TMEM272: variants seen among roughly 807,000 people sequenced by gnomAD.
TMEM272 encodes transmembrane protein 272.
A neutral mutation model predicts 3.7 loss-of-function variants in TMEM272; 8 were observed. The ratio of observed to expected loss-of-function variants is 2.17; its 90% CI spans 1.27 to 3.91. TMEM272 has a LOEUF of 3.91. Ranked by LOEUF, TMEM272 falls within the 30% of genes most tolerant of loss-of-function variation. The pLI is 0.00. For missense variants in TMEM272, 166 were observed against 91.5 expected (o/e 1.81, Z -3.32); for synonymous variants, 63 against 39.8 (o/e 1.58, Z -2.20).
chr13:51,866,370 C>T, the TMEM272 span: 92 of 312,736 alleles, frequency 2.9e-4, no homozygotes, highest in African/African-American at 1.7e-3. Flanking sequence ...GAAGTGGAGA[C>T]GCTTTGGCTC....
intron 2 of TMEM272, among the ~76,000 whole-genome samples, chr13:51,833,227 A>G (rs1956187680): frequency 1.3e-5 from 2 of 152,228 alleles, no homozygotes; most frequent in African/African-American, 2.4e-5. Context: ...ATCATCCATC[A>G]TAACAGAGAA....
chr13:51,924,904 T>C, the TMEM272 span, among the ~76,000 whole-genome samples: 6 of 152,164 alleles, frequency 3.9e-5, no homozygotes, highest in Non-Finnish European at 8.8e-5. Flanking sequence ...AACTGTATTG[T>C]GGGAGGAGAG....
intron 1 of TMEM272, among the ~76,000 whole-genome samples, chr13:51,843,965 G>A (rs1482278913): frequency 2.0e-5 from 3 of 152,158 alleles, no homozygotes; most frequent in African/African-American, 7.2e-5. Context: ...GCAATATGTG[G>A]AGACATTTTT....
the TMEM272 span, among the ~76,000 whole-genome samples, chr13:51,859,079 T>G: frequency 1.3e-5 from 2 of 152,150 alleles, no homozygotes; most frequent in African/African-American, 4.8e-5. Flanking sequence ...TTGACCTGTT[T>G]GGCAGTTCAC....
At chr13:51,922,578 T>G in the TMEM272 span, among the ~76,000 whole-genome samples, 2 of 152,134 alleles carry the variant, frequency 1.3e-5, no homozygotes, top group African/African-American at 4.8e-5. Flanking sequence ...GCAGAAGAGC[T>G]TAGGTGGGTG....
the TMEM272 span, chr13:51,910,471 C>T: frequency 1.3e-6 from 1 of 791,688 alleles, no homozygotes; most frequent in South Asian, 1.3e-5. Flanking sequence ...GCAACAAATC[C>T]AAGGACAGCT....
chr13:51,833,564 C>G (rs1209455826), intron 2 of TMEM272, among the ~76,000 whole-genome samples: 1 of 152,042 alleles, frequency 6.6e-6, no homozygotes, highest in Non-Finnish European at 1.5e-5. Context: ...TAAAGAATGA[C>G]TGAAGTGCAG....
intron 1 of TMEM272, among the ~76,000 whole-genome samples, chr13:51,843,758 C>A (rs1408359303): frequency 6.6e-6 from 1 of 152,214 alleles, no homozygotes; most frequent in Admixed American, 6.5e-5. Context: ...CTCACACCTG[C>A]CTCTGCACCT....
chr13:51,881,421 TG>T, the TMEM272 span, among the ~76,000 whole-genome samples: 7 of 150,908 alleles, frequency 4.6e-5, no homozygotes, highest in African/African-American at 1.7e-4. Context: ...GCAGGAGGAA[TG>T]GAAGAATTTG....
At chr13:51,826,966 T>A (rs866851879) in intron 2 of TMEM272, among the ~76,000 whole-genome samples, 3 of 152,218 alleles carry the variant, frequency 2.0e-5, no homozygotes, top group Admixed American at 6.5e-5. Flanking sequence ...CGGCATCCAC[T>A]GAGCCAGGCA....
the TMEM272 span, among the ~76,000 whole-genome samples, chr13:51,874,011 C>A: frequency 2.6e-5 from 4 of 152,228 alleles, no homozygotes; most frequent in Admixed American, 6.5e-5. Context: ...CCAGGCTCCA[C>A]CAATCACAGG....
intron 2 of TMEM272, among the ~76,000 whole-genome samples, chr13:51,831,984 G>T (rs1956177077): frequency 6.6e-6 from 1 of 152,310 alleles, no homozygotes; most frequent in Admixed American, 6.5e-5. Context: ...AATAGTGGGA[G>T]GATATTAGAA....
chr13:51,889,285 T>A, the TMEM272 span, among the ~76,000 whole-genome samples: 1 of 152,222 alleles, frequency 6.6e-6, no homozygotes, highest in Non-Finnish European at 1.5e-5. Context: ...GAATGAATTG[T>A]GTCCTTCTAA....
the TMEM272 span, among the ~76,000 whole-genome samples, chr13:51,852,809 G>A: frequency 6.6e-6 from 1 of 151,250 alleles, no homozygotes; most frequent in Admixed American, 6.6e-5. Flanking sequence ...AACCCAGGAG[G>A]TGAAGGATGC....
chr13:51,930,156 T>C, the TMEM272 span, among the ~76,000 whole-genome samples: 1 of 151,922 alleles, frequency 6.6e-6, no homozygotes, highest in Non-Finnish European at 1.5e-5. Flanking sequence ...TATTTCTATA[T>C]GCTTAATTTT....
chr13:51,893,461 G>A, the TMEM272 span, among the ~76,000 whole-genome samples: 4 of 152,090 alleles, frequency 2.6e-5, no homozygotes, highest in Non-Finnish European at 4.4e-5. Flanking sequence ...GCTTCACCAG[G>A]ACCTGCTGCT....
rs150924409 is a variant in TMEM272 at position 51,828,618 on chromosome 13, G to A, written c.59-1993C>T. On this transcript the variant is annotated intron_variant, in intron 2 of 4. Transcript: ENST00000629372. ...CAGCTTCAAAGGCGTGCAACTTAAC[G>A]GCCCCAAGCATCTGGTTTGACGCTC... 2.3e-3 allele frequency among the ~76,000 whole-genome samples: 356 copies of A among 152,052 alleles called. 1 individual carries two copies. The highest frequency in any genetic ancestry group is 8.0e-3 in the African/African-American group (330 of 41,458).
chr13:51,917,676 T>A, the TMEM272 span, among the ~76,000 whole-genome samples: 1 of 152,310 alleles, frequency 6.6e-6, no homozygotes, highest in South Asian at 2.1e-4. Flanking sequence ...TTACTAAGTA[T>A]GTGTTGGGCA....
At chr13:51,822,584 T>C (rs1744540111) in intron 3 of TMEM272, among the ~76,000 whole-genome samples, 1 of 152,046 alleles carries the variant, frequency 6.6e-6, no homozygotes, top group South Asian at 2.1e-4. Flanking sequence ...GAGGTTCTCA[T>C]CTACTCTGCT....
Sources: allele counts gnomAD v4.1 joint callset (sites outside exome capture counted in the v4.1 genomes callset), GRCh38; gene constraint gnomAD v4.1.1; transcripts MANE v1.5; gene names NCBI Gene and HGNC (gene_info 2026-07-23, HGNC 2026-07-21).